TIAM1: variants seen among roughly 807,000 people sequenced by gnomAD.
TIAM1 encodes rho guanine nucleotide exchange factor TIAM1.
A neutral mutation model predicts 163.5 loss-of-function variants in TIAM1; 65 were observed. That is an observed-to-expected ratio of 0.40 (90% confidence interval 0.33 to 0.49). TIAM1 has a LOEUF of 0.49. TIAM1 is among the 20% of genes least tolerant of loss of function. TIAM1 has a pLI of 0.77. For synonymous variants in TIAM1, 833 were observed against 810.1 expected (o/e 1.03, Z -0.48); for missense variants, 1,789 against 2,044.7 (o/e 0.87, Z 2.41).
Position 31,409,276 on chromosome 21 carries a change from A to C in TIAM1, c.-369+54707T>G, listed in dbSNP as rs555372077. Among the ~76,000 whole-genome samples, 32 of 151,812 alleles carry C rather than the reference A, an allele frequency of 2.1e-4. No individual in the cohort carries two copies. In the South Asian group the frequency reaches 6.1e-3, roughly 29 times the overall value. ...AGGCATCCGCCACCACACCCAGCTA[A>C]TTTTTGTATTTTTAGTAGAGACGGG... is the stretch of plus-strand genomic sequence containing the variant. On this transcript the variant is annotated intron_variant, in intron 2 of 28. Coordinates refer to the TIAM1 transcript ENST00000286827.
intron 1 of TIAM1, among the ~76,000 whole-genome samples, chr21:31,493,341 A>T (rs376987312): frequency 6.6e-6 from 1 of 152,332 alleles, no homozygotes; most frequent in African/African-American, 2.4e-5. Flanking sequence ...ACACACAATC[A>T]ATCAATGATA....
At chr21:31,228,253 A>ATCTG (rs2088173552) in intron 6 of TIAM1, among the ~76,000 whole-genome samples, 1 of 77,294 alleles carries the variant, frequency 1.3e-5, no homozygotes, top group African/African-American at 3.6e-5. Context: ...AAAAAAAAAA[A>ATCTG]AAAAAAGGAA....
chr21:31,307,059 CA>C (rs2074741129), intron 2 of TIAM1, among the ~76,000 whole-genome samples: 1 of 152,114 alleles, frequency 6.6e-6, no homozygotes, highest in Non-Finnish European at 1.5e-5. Flanking sequence ...AAAACAAAAA[CA>C]AAATCTCAAA....
chr21:31,203,616 T>C (rs1274433785), intron 11 of TIAM1, among the ~76,000 whole-genome samples: 1 of 152,214 alleles, frequency 6.6e-6, no homozygotes, highest in Non-Finnish European at 1.5e-5. Context: ...TCTCTAACAC[T>C]GGTAAAATTT....
intron 2 of TIAM1, among the ~76,000 whole-genome samples, chr21:31,300,587 C>G (rs1256298202): frequency 6.6e-6 from 1 of 152,206 alleles, no homozygotes; most frequent in Non-Finnish European, 1.5e-5. Flanking sequence ...CAAAGGACCA[C>G]TGACTTGTAA....
intron 1 of TIAM1, among the ~76,000 whole-genome samples, chr21:31,492,663 C>T (rs1227556788): frequency 6.6e-6 from 1 of 151,978 alleles, no homozygotes; most frequent in Non-Finnish European, 1.5e-5. Context: ...AACCTGTGCC[C>T]CGACCACCTT....
At chr21:31,551,117 G>A (rs187736245) in intron 1 of TIAM1, among the ~76,000 whole-genome samples, 1 of 152,220 alleles carries the variant, frequency 6.6e-6, no homozygotes, top group Non-Finnish European at 1.5e-5. Flanking sequence ...GGGAGGCTGA[G>A]GCAAGAGAAT....
intron 27 of TIAM1, among the ~76,000 whole-genome samples, chr21:31,122,944 C>T (rs186595370): frequency 1.3e-5 from 2 of 152,298 alleles, no homozygotes. Context: ...AATCCTCTGA[C>T]ATGAAGATTC....
intron 2 of TIAM1, among the ~76,000 whole-genome samples, chr21:31,358,064 T>G (rs1005656059): frequency 1.1e-4 from 16 of 152,304 alleles, no homozygotes; most frequent in Non-Finnish European, 2.2e-4. Flanking sequence ...AAGAAAGACT[T>G]GCTGTCCAGC....
At position 31,235,844 on chromosome 21, in the gene TIAM1, G is replaced by A. The variant is rs2088723106; in HGVS notation, c.1584+9644C>T. Among the ~76,000 whole-genome samples the A allele has an allele frequency of 3.9e-5, 6 of 152,248 alleles. No individual in the cohort carries two copies. In the South Asian group the frequency reaches 1.2e-3, roughly 32 times the overall value. On this transcript the variant is annotated intron_variant, in intron 6 of 27. Coordinates refer to ENST00000541036, the MANE Select transcript of TIAM1 (RefSeq NM_001353694.2). Reference sequence around the variant, plus strand: ...ACCTCTGCAGTGTGGGGAAACCTCTGAGGCACCCACAAGAAGGCATAAAAT... The same window carrying A: ...ACCTCTGCAGTGTGGGGAAACCTCTAAGGCACCCACAAGAAGGCATAAAAT...
chr21:31,358,972 G>A, intron 2 of TIAM1, among the ~76,000 whole-genome samples: 1 of 152,136 alleles, frequency 6.6e-6, no homozygotes, highest in East Asian at 1.9e-4. Flanking sequence ...TCATGCCACT[G>A]AAGCCACACT....
At chr21:31,252,801 C>CA (rs2071886889) in intron 4 of TIAM1, among the ~76,000 whole-genome samples, 1 of 152,226 alleles carries the variant, frequency 6.6e-6, no homozygotes, top group Admixed American at 6.5e-5. Flanking sequence ...ATCCTCTAAT[C>CA]AGATTCGCTT....
At chr21:31,319,495 C>A (rs1431287638) in intron 2 of TIAM1, among the ~76,000 whole-genome samples, 2 of 152,042 alleles carry the variant, frequency 1.3e-5, no homozygotes, top group Non-Finnish European at 2.9e-5. Context: ...TTACTATAAC[C>A]TGGCCGGGCA....
chr21:31,437,971 T>C (rs548130251), intron 2 of TIAM1, among the ~76,000 whole-genome samples: 1 of 152,278 alleles, frequency 6.6e-6, no homozygotes, highest in African/African-American at 2.4e-5. Flanking sequence ...AGATCACCTC[T>C]GGTAGTTGAA....
At chr21:31,480,658 A>G (rs368605080) in intron 1 of TIAM1, among the ~76,000 whole-genome samples, 21 of 152,224 alleles carry the variant, frequency 1.4e-4, no homozygotes, top group Admixed American at 4.6e-4. Flanking sequence ...TTTGGAAGGA[A>G]GGAGGGAAAG....
intron 2 of TIAM1, among the ~76,000 whole-genome samples, chr21:31,459,612 C>T (rs2045247852): frequency 6.6e-6 from 1 of 152,130 alleles, no homozygotes; most frequent in African/African-American, 2.4e-5. Flanking sequence ...TGCCTCCCCA[C>T]CCTAGATGGC....
intron 2 of TIAM1, among the ~76,000 whole-genome samples, chr21:31,422,299 G>A (rs2043605969): frequency 6.6e-6 from 1 of 152,130 alleles, no homozygotes; most frequent in African/African-American, 2.4e-5. Flanking sequence ...CTCAGGATAC[G>A]TATCAAGGAT....
rs111563485 is a variant in TIAM1 at position 31,549,786 on chromosome 21, G to A, written c.-422+9141C>T. On this transcript the variant is annotated intron_variant, in intron 1 of 28. Coordinates refer to the TIAM1 transcript ENST00000286827. Reference sequence around the variant, plus strand: ...CTCAATACGTTAAACATAGAATTACGTATGACGTAGCAACTCCATTCTTAG... The same window carrying A: ...CTCAATACGTTAAACATAGAATTACATATGACGTAGCAACTCCATTCTTAG... 2.0e-4 allele frequency among the ~76,000 whole-genome samples: 31 copies of A among 152,270 alleles called. No individual in the cohort carries two copies. In the South Asian group the frequency reaches 5.8e-3, roughly 28 times the overall value.
At chr21:31,426,033 C>T (rs560312624) in intron 2 of TIAM1, among the ~76,000 whole-genome samples, 2 of 152,138 alleles carry the variant, frequency 1.3e-5, no homozygotes, top group East Asian at 3.9e-4. Context: ...GCGCCCAGAC[C>T]ATTTTAATAG....
Sources: gnomAD v4.1 joint callset for allele counts (sites outside exome capture counted in the v4.1 genomes callset) on GRCh38, gnomAD v4.1.1 for gene constraint, MANE v1.5 for transcripts, NCBI Gene and HGNC (gene_info 2026-07-23, HGNC 2026-07-21) for gene names.